The following DDX23 variants were observed in gnomAD, a reference collection of about 807,000 sequenced individuals.
DDX23 encodes the protein probable ATP-dependent RNA helicase DDX23.
In DDX23, 33 loss-of-function variants were observed where a neutral mutation model predicts 102.7. The observed-to-expected ratio is 0.32, with a 90% CI of 0.24 to 0.43. The LOEUF (loss-of-function observed/expected upper bound fraction) is 0.43. Among genes scored for constraint, DDX23 ranks in the 20% least tolerant of loss-of-function variants. The pLI, the probability that DDX23 is intolerant of heterozygous loss-of-function variation, is 1.00. For missense variants in DDX23, 549 were observed against 1,086.6 expected (o/e 0.51, Z 6.96); for synonymous variants, 352 against 376.0 (o/e 0.94, Z 0.74).
rs760623064 is a variant in DDX23, at chr12:48,843,911, C to T, written c.320+29G>A. ...GCAGAGAAGAAATGGGAGCATTCCC[C>T]TAAAGCCCCCTCTCATTCCTTCATG... On this transcript the variant is annotated intron_variant, in intron 3 of 16. Coordinates refer to ENST00000308025, the MANE Select transcript of DDX23 (RefSeq NM_004818.3). 38 of 1,605,086 alleles carry T rather than the reference C, an allele frequency of 2.4e-5. No homozygotes were observed. The African/African-American group carries it at 4.3e-4, about 18-fold the overall frequency.
intron 12 of DDX23, 51 bp downstream of exon 12, chr12:48,834,269 C>T: frequency 6.5e-7 from 1 of 1,548,284 alleles, no homozygotes; most frequent in Non-Finnish European, 8.7e-7. Flanking sequence ...AAACAAAGCC[C>T]CAAGATAGCC....
chr12:48,838,464 CAT>C (rs1273618439), intron 5 of DDX23, among the ~76,000 whole-genome samples: 1 of 147,218 alleles, frequency 6.8e-6, no homozygotes, highest in East Asian at 2.0e-4. Flanking sequence ...GCAGGAAAAT[CAT>C]ATGAGCCCAG....
chr12:48,838,157 G>A (rs1938493250), intron 5 of DDX23, 77 bp from the exon 6 acceptor site: 1 of 1,591,420 alleles, frequency 6.3e-7, no homozygotes, highest in Non-Finnish European at 8.6e-7. Flanking sequence ...GAGATGGCAG[G>A]GAACCCAAAA....
At position 48,833,060 on chromosome 12, in the gene DDX23, T is replaced by C. The variant is rs569908078; in HGVS notation, c.1803+217A>G. The C allele has an allele frequency of 6.0e-5, 37 of 614,548 alleles. No individual in the cohort carries two copies. In the African/African-American group the frequency reaches 6.5e-4, roughly 11 times the overall value. 38.1% of individuals were successfully genotyped at this position (614,548 alleles called of 1,614,324 possible). A position where few individuals can be genotyped will look rare whatever the true frequency, so the allele number is the denominator to read the frequency against. ...GAGTAGTGGCACGACCTCAGCTCAC[T>C]GCGACCACTGCCTCCCAGGCTTAAG... On this transcript the variant is annotated intron_variant, in intron 13 of 16. Transcript: ENST00000308025.
intron 3 of DDX23, among the ~76,000 whole-genome samples, chr12:48,840,550 ATTTTTTTTTTT>A (rs747756955): frequency 7.6e-6 from 1 of 131,918 alleles, no homozygotes; most frequent in Admixed American, 7.7e-5. Flanking sequence ...TTAGAGAAAA[ATTTTTTTTTTT>A]TTTTTTTTTG....
rs1360903216 is a variant in DDX23, at chr12:48,843,691, G to A, written c.320+249C>T. 2.0e-5 allele frequency among the ~76,000 whole-genome samples: 3 copies of A among 151,716 alleles called. No homozygotes were observed. The East Asian group carries it at 5.9e-4, about 30-fold the overall frequency. Reference sequence around the variant, plus strand: ...AGCCTCCTGAGTAGCTGGGACTACAGGCACCCGCCACCACGCCCGGCTAAT... The same window carrying A: ...AGCCTCCTGAGTAGCTGGGACTACAAGCACCCGCCACCACGCCCGGCTAAT... On this transcript the variant is annotated intron_variant, in intron 3 of 16. Transcript: ENST00000308025.
intron 3 of DDX23, 162 bp from the exon 4 acceptor site, chr12:48,840,268 C>T (rs1050654021): frequency 1.4e-6 from 1 of 696,482 alleles, no homozygotes; most frequent in Non-Finnish European, 2.6e-6. Context: ...CATGGTCATT[C>T]TGCCAGCTCT....
Position 48,832,033 on chromosome 12 carries a change from G to A in DDX23, c.2064+45C>T, listed in dbSNP as rs191414104. ...TAGGGGGCCCTGCTAGATTCAGAAA[G>A]CAGTGCCACAGAGGCTAGACTTTGT... On this transcript the variant is annotated intron_variant, in intron 15 of 16. Coordinates refer to ENST00000308025, the MANE Select transcript of DDX23 (RefSeq NM_004818.3). This position sits in a 1 kb window ranked among gnomAD's most constrained non-coding sequence, Gnocchi z 4.4. 2,512 of 1,570,674 alleles carry A rather than the reference G, an allele frequency of 1.6e-3. 49 individuals carry two copies. The highest frequency in any genetic ancestry group is 2.1e-4 in the Non-Finnish European group (235 of 1,141,786).
At chr12:48,850,327 A>C (rs1938736412) in intron 1 of DDX23, among the ~76,000 whole-genome samples, 1 of 152,256 alleles carries the variant, frequency 6.6e-6, no homozygotes, top group African/African-American at 2.4e-5. Context: ...GCAACCTAAT[A>C]GTTTGTGGTG....
At position 48,836,902 on chromosome 12, in the gene DDX23, C is replaced by A; in HGVS notation, c.1002G>T (p.Glu334Asp). ...MEKRRTLEEKEQEEARLRKLR... is the reference protein window; with the variant it reads ...MEKRRTLEEKDQEEARLRKLR... Reference sequence around the variant, plus strand: ...TAGCCTTGATCACTCACTCCTCCTGCTCCTTTTCTTCCAGGGTTCGCCTCT... The same window carrying A: ...TAGCCTTGATCACTCACTCCTCCTGATCCTTTTCTTCCAGGGTTCGCCTCT... The change falls in exon 9 of 17, where the codon GAG becomes GAT. Residue 334 changes from glutamate (E) to aspartate (D), a missense_variant. Transcript: ENST00000308025. This position sits in a 1 kb window ranked among gnomAD's most constrained non-coding sequence, Gnocchi z 6.1. The A allele has an allele frequency of 6.2e-7, 1 of 1,613,872 alleles. No homozygotes were observed. The highest frequency in any genetic ancestry group is 8.5e-7 in the Non-Finnish European group (1 of 1,180,040).
At chr12:48,840,274 G>C (rs1938529257) in intron 3 of DDX23, 168 bp from the exon 4 acceptor site, 1 of 689,908 alleles carries the variant, frequency 1.4e-6, no homozygotes, top group Non-Finnish European at 2.6e-6. Context: ...CATTCTGCCA[G>C]CTCTGAAACC....
Position 48,837,665 on chromosome 12 carries a change from C to T in DDX23, c.620-8G>A. On this transcript the variant is annotated splice_region_variant and splice_polypyrimidine_tract_variant and intron_variant, in intron 6 of 16. Coordinates refer to ENST00000308025, the MANE Select transcript of DDX23 (RefSeq NM_004818.3). ...CCCGTTCCTGAGGATCTTCTGCAGA[C>T]CAAAGAAAGCAAAGCTGCAGAAGAG... 6.2e-7 allele frequency: 1 copy of T among 1,613,532 alleles called. No homozygotes were observed. Among genetic ancestry groups the T allele is most frequent in the Non-Finnish European group, 8.5e-7 (1 of 1,179,912 alleles).
At chr12:48,840,391 C>T (rs574720505) in intron 3 of DDX23, among the ~76,000 whole-genome samples, 167 of 152,156 alleles carry the variant, frequency 1.1e-3, no homozygotes, top group African/African-American at 3.9e-3. Context: ...TTCCCCTAGG[C>T]CAGGCGCGGT....
chr12:48,839,724 C>G, intron 5 of DDX23, 120 bp downstream of exon 5: 2 of 998,794 alleles, frequency 2.0e-6, no homozygotes, highest in East Asian at 5.2e-5. Context: ...TGACACTCCG[C>G]TCTCAGACTT....
At position 48,830,799 on chromosome 12, in the gene DDX23, G is replaced by T. The variant is rs981568563; in HGVS notation, c.2240-107C>A. 2 of 1,200,482 alleles carry T rather than the reference G, an allele frequency of 1.7e-6. No homozygotes were observed. The highest frequency in any genetic ancestry group is 1.2e-6 in the Non-Finnish European group (1 of 860,856). 74.4% of individuals were successfully genotyped at this position (1,200,482 alleles called of 1,614,324 possible). On this transcript the variant is annotated intron_variant, in intron 16 of 16. Transcript: ENST00000308025. The surrounding 1 kb of genome is among the most constrained non-coding windows in gnomAD (Gnocchi z 4.9). ...CCTTCCCACCCCATCTCCAAAGGCAGGAATACAGCACATGCTGCCTGAACC... is the reference window on the plus strand; with the variant it reads ...CCTTCCCACCCCATCTCCAAAGGCATGAATACAGCACATGCTGCCTGAACC...
intron 1 of DDX23, among the ~76,000 whole-genome samples, chr12:48,851,071 T>C (rs1301427599): frequency 6.6e-6 from 1 of 152,202 alleles, no homozygotes; most frequent in Non-Finnish European, 1.5e-5. Context: ...CATTCTTTTT[T>C]TTCACTCAAT....
At chr12:48,833,867 A>G (rs1938426728) in intron 12 of DDX23, among the ~76,000 whole-genome samples, 1 of 152,166 alleles carries the variant, frequency 6.6e-6, no homozygotes, top group Non-Finnish European at 1.5e-5. Flanking sequence ...TAAAGACTAA[A>G]TTTTTTTAAA....
At chr12:48,847,388 G>GC (rs1025755410) in intron 1 of DDX23, 18 of 152,182 alleles carry the variant, frequency 1.2e-4, no homozygotes, top group African/African-American at 4.3e-4. Flanking sequence ...GGTGGCACGT[G>GC]CCTGTAGTCC....
At chr12:48,850,976 C>T (rs777699492) in intron 1 of DDX23, among the ~76,000 whole-genome samples, 3 of 152,180 alleles carry the variant, frequency 2.0e-5, no homozygotes, top group Non-Finnish European at 4.4e-5. Flanking sequence ...GCCAAATAAC[C>T]AGGCTGACTC....
Sources: gnomAD v4.1 joint callset for allele counts (sites outside exome capture counted in the v4.1 genomes callset) on GRCh38, gnomAD v4.1.1 for gene constraint, Gnocchi (gnomAD v3.1) non-coding constraint, MANE v1.5 for transcripts, NCBI Gene and HGNC (gene_info 2026-07-23, HGNC 2026-07-21) for gene names.